The following FGGY variants were observed in gnomAD, a reference collection of about 807,000 sequenced individuals.
FGGY encodes FGGY carbohydrate kinase domain-containing protein.
In FGGY, 72 loss-of-function variants were observed where a neutral mutation model predicts 71.3. That is an observed-to-expected ratio of 1.01 (90% CI 0.84 to 1.23). The LOEUF (loss-of-function observed/expected upper bound fraction) is 1.23. Among genes scored for constraint, FGGY ranks in the 50% most tolerant of loss-of-function variants. FGGY has a pLI of 0.00. For missense variants in FGGY, 668 were observed against 682.3 expected (o/e 0.98, Z 0.23); for synonymous variants, 251 against 250.3 (o/e 1.00, Z -0.02).
At chr1:59,707,583 A>G (rs541879825) in intron 14 of FGGY, among the ~76,000 whole-genome samples, 106 of 152,362 alleles carry the variant, frequency 7.0e-4, no homozygotes, top group Non-Finnish European at 1.2e-3. Context: ...GGGTAAACCA[A>G]AACACAGCCA....
intron 14 of FGGY, among the ~76,000 whole-genome samples, chr1:59,731,817 C>G (rs984060306): frequency 5.9e-5 from 9 of 151,994 alleles, no homozygotes; most frequent in African/African-American, 1.9e-4. Flanking sequence ...GAGTCAGAAT[C>G]CCCTGGAATC....
chr1:59,551,643 G>T (rs1374830358), intron 7 of FGGY, among the ~76,000 whole-genome samples: 1 of 152,134 alleles, frequency 6.6e-6, no homozygotes, highest in African/African-American at 2.4e-5. Context: ...TGGTGGGGAA[G>T]AACCAGCACT....
In FGGY at chr1:59,504,006, G is replaced by T. The variant is rs116385133; in HGVS notation, c.671-8305G>T. ...ATGCTACACAGAGAGGCCAAAAAAA[G>T]TCTGAGCAGATAGTCCTTGCTGGAT... is the stretch of plus-strand genomic sequence containing the variant. On this transcript the variant is annotated intron_variant, in intron 6 of 15. Coordinates refer to ENST00000303721, the MANE Select transcript of FGGY (RefSeq NM_018291.5). Among the ~76,000 whole-genome samples, 558 of 152,262 alleles carry T rather than the reference G, an allele frequency of 3.7e-3. 2 individuals are homozygous for T. The highest frequency in any genetic ancestry group is 0.012 in the African/African-American group (496 of 41,558).
At chr1:59,363,371 G>T (rs2055969547) in intron 4 of FGGY, among the ~76,000 whole-genome samples, 1 of 152,182 alleles carries the variant, frequency 6.6e-6, no homozygotes, top group Non-Finnish European at 1.5e-5. Flanking sequence ...AAGAACAATC[G>T]TAGGTAAAAA....
chr1:59,444,293 A>C (rs2070706025), intron 5 of FGGY, among the ~76,000 whole-genome samples: 1 of 152,180 alleles, frequency 6.6e-6, no homozygotes, highest in South Asian at 2.1e-4. Flanking sequence ...TTTAATTGAC[A>C]GATAATAATT....
chr1:59,319,514 A>G (rs2046010296), intron 1 of FGGY, among the ~76,000 whole-genome samples: 1 of 152,188 alleles, frequency 6.6e-6, no homozygotes, highest in African/African-American at 2.4e-5. Flanking sequence ...CATCCTTTGT[A>G]TGTATGCAAG....
intron 6 of FGGY, among the ~76,000 whole-genome samples, chr1:59,494,966 C>T (rs1180726139): frequency 6.6e-6 from 1 of 152,118 alleles, no homozygotes; most frequent in African/African-American, 2.4e-5. Flanking sequence ...TACATTCACA[C>T]CACTAGTGTA....
chr1:59,588,119 G>C (rs1472959066), intron 8 of FGGY, among the ~76,000 whole-genome samples: 2 of 152,346 alleles, frequency 1.3e-5, no homozygotes, highest in African/African-American at 4.8e-5. Context: ...GGAGCTGAAA[G>C]CCAAGGCTCG....
chr1:59,311,043 G>A (rs780074671), intron 1 of FGGY, among the ~76,000 whole-genome samples: 1 of 152,046 alleles, frequency 6.6e-6, no homozygotes, highest in East Asian at 1.9e-4. Context: ...AGGATTTATC[G>A]TGACATCAGG....
intron 4 of FGGY, among the ~76,000 whole-genome samples, chr1:59,352,981 T>C (rs1217481756): frequency 6.6e-6 from 1 of 152,222 alleles, no homozygotes; most frequent in East Asian, 1.9e-4. Context: ...ACTATTCAAC[T>C]GTGTTCATCA....
At chr1:59,663,930 G>C (rs2097300671) in intron 12 of FGGY, among the ~76,000 whole-genome samples, 1 of 152,080 alleles carries the variant, frequency 6.6e-6, no homozygotes, top group Admixed American at 6.5e-5. Context: ...TCTATATATA[G>C]TCATATCTTT....
At chr1:59,455,285 C>A (rs2091575340) in intron 5 of FGGY, among the ~76,000 whole-genome samples, 1 of 152,102 alleles carries the variant, frequency 6.6e-6, no homozygotes, top group Non-Finnish European at 1.5e-5. Context: ...TTGGGGCTTC[C>A]TGAAAAAGGA....
intron 5 of FGGY, among the ~76,000 whole-genome samples, chr1:59,399,446 G>A (rs2061685032): frequency 6.6e-6 from 1 of 152,118 alleles, no homozygotes; most frequent in Non-Finnish European, 1.5e-5. Context: ...GTTAGGTAAG[G>A]TTTAGAGAAG....
chr1:59,549,786 A>T (rs1265834203), intron 7 of FGGY, among the ~76,000 whole-genome samples: 2 of 152,236 alleles, frequency 1.3e-5, no homozygotes. Flanking sequence ...TTTTTATTTT[A>T]CATAAATATA....
At position 59,588,445 on chromosome 1, in the gene FGGY, G is replaced by A. The variant is rs546092097; in HGVS notation, c.904-19358G>A. 2.9e-3 allele frequency among the ~76,000 whole-genome samples: 440 copies of A among 151,996 alleles called. 1 individual carries two copies. The highest frequency in any genetic ancestry group is 0.01 in the African/African-American group (417 of 41,430). On this transcript the variant is annotated intron_variant, in intron 8 of 15. Coordinates refer to ENST00000303721, the MANE Select transcript of FGGY (RefSeq NM_018291.5). Reference sequence around the variant, plus strand: ...TTCAGATTCAGGAAATACAGAGAACGCCACAAAGATACTCCTCGAGAAGAG... The same window carrying A: ...TTCAGATTCAGGAAATACAGAGAACACCACAAAGATACTCCTCGAGAAGAG...
chr1:59,512,283 G>T, intron 6 of FGGY, 28 bp from the exon 7 acceptor site: 1 of 1,575,816 alleles, frequency 6.3e-7, no homozygotes, highest in Non-Finnish European at 8.6e-7. Flanking sequence ...CAAACTGATG[G>T]TGTTTGTTTT....
At chr1:59,649,021 G>T (rs1054800150) in intron 11 of FGGY, among the ~76,000 whole-genome samples, 1 of 151,490 alleles carries the variant, frequency 6.6e-6, no homozygotes, top group Non-Finnish European at 1.5e-5. Context: ...TTTCCCCATT[G>T]CTTGTTTTTC....
At chr1:59,452,095 T>G (rs1260599925) in intron 5 of FGGY, among the ~76,000 whole-genome samples, 1 of 150,338 alleles carries the variant, frequency 6.7e-6, no homozygotes, top group Admixed American at 6.6e-5. Flanking sequence ...TTTTTTTTTA[T>G]TCCTTTTCTC....
chr1:59,658,199 G>T (rs907818600), intron 11 of FGGY, among the ~76,000 whole-genome samples: 1 of 152,116 alleles, frequency 6.6e-6, no homozygotes, highest in African/African-American at 2.4e-5. Flanking sequence ...TCCATTCTCT[G>T]TGTTCCCTTA....
Sources: gnomAD v4.1 joint callset for allele counts (sites outside exome capture counted in the v4.1 genomes callset) on GRCh38, gnomAD v4.1.1 for gene constraint, MANE v1.5 for transcripts, NCBI Gene and HGNC (gene_info 2026-07-23, HGNC 2026-07-21) for gene names.